The following TDP1 variants were observed in gnomAD, a reference collection of about 807,000 sequenced individuals.
TDP1 encodes the protein tyrosyl-DNA phosphodiesterase 1.
In TDP1, 64 loss-of-function variants were observed where a neutral mutation model predicts 81.5. The ratio of observed to expected loss-of-function variants is 0.79; its 90% CI spans 0.64 to 0.97. The LOEUF (loss-of-function observed/expected upper bound fraction) is 0.97. Ranked by LOEUF, TDP1 falls within the 50% of genes least tolerant of loss-of-function variation. The pLI, the probability that TDP1 is intolerant of heterozygous loss-of-function variation, is 0.00. For missense variants in TDP1, 723 were observed against 743.8 expected, an observed-to-expected ratio of 0.97 and a Z score of 0.33; for synonymous variants, 256 against 264.3, an observed-to-expected ratio of 0.97 and a Z score of 0.30.
chr14:89,966,342 A>G (rs1400540964), intron 4 of TDP1, 152 bp downstream of exon 4: 6 of 696,122 alleles, frequency 8.6e-6, no homozygotes, highest in South Asian at 7.6e-5. Context: ...CAAGTGCCAC[A>G]GTAATGAGAT....
At chr14:89,989,513 A>G in intron 11 of TDP1, 2 of 828,796 alleles carry the variant, frequency 2.4e-6, no homozygotes, top group Non-Finnish European at 2.9e-6. Context: ...ACTCCAATTG[A>G]AGTATAATTT....
intron 16 of TDP1, chr14:90,033,700 G>A: frequency 5.7e-6 from 1 of 176,336 alleles, no homozygotes; most frequent in Non-Finnish European, 1.2e-5. Flanking sequence ...CCATCATAAA[G>A]GTCAAAAGGT....
intron 2 of TDP1, 105 bp from the exon 3 acceptor site, chr14:89,963,003 C>T: frequency 3.8e-6 from 6 of 1,581,254 alleles, no homozygotes; most frequent in Non-Finnish European, 5.2e-6. Flanking sequence ...GGTTCAGCCT[C>T]TGGAAGGTGT....
chr14:90,007,504 G>T (rs150016998), intron 14 of TDP1, among the ~76,000 whole-genome samples: 1 of 152,064 alleles, frequency 6.6e-6, no homozygotes. Context: ...CATGAAAATC[G>T]CTTGAACCCA....
At chr14:89,960,204 G>A (rs1892162437) in intron 2 of TDP1, among the ~76,000 whole-genome samples, 1 of 152,100 alleles carries the variant, frequency 6.6e-6, no homozygotes, top group Non-Finnish European at 1.5e-5. Context: ...AAAGTGTATT[G>A]TAACAGCTTA....
intron 16 of TDP1, 91 bp downstream of exon 16, chr14:90,033,305 G>A (rs1365409647): frequency 1.2e-6 from 1 of 803,648 alleles, no homozygotes; most frequent in Admixed American, 2.0e-5. Flanking sequence ...GTGGGATCCT[G>A]GCTCATGGAA....
chr14:89,986,338 C>T (rs1310824037), intron 10 of TDP1, among the ~76,000 whole-genome samples: 3 of 152,190 alleles, frequency 2.0e-5, no homozygotes, highest in African/African-American at 7.2e-5. Flanking sequence ...CATCGGTTGT[C>T]ATCTATAAAG....
chr14:89,967,224 C>T (rs995025008), intron 4 of TDP1, 143 bp from the exon 5 acceptor site: 38 of 1,365,416 alleles, frequency 2.8e-5, no homozygotes, highest in Non-Finnish European at 6.2e-6. Flanking sequence ...AGTATTGCAG[C>T]ATAACCCTCC....
chr14:89,976,858 T>TAAAATGCCTAGGAGGCTGGGCGCTGTGG, intron 7 of TDP1, among the ~76,000 whole-genome samples: 1 of 152,220 alleles, frequency 6.6e-6, no homozygotes, highest in South Asian at 2.1e-4. Context: ...ATTCAGAGTT[T>TAAAATGCCTAGGAGGCTGGGCGCTGTGG]AAAATGCCTA....
chr14:90,025,081 C>T (rs1886497216), intron 15 of TDP1, among the ~76,000 whole-genome samples: 1 of 152,324 alleles, frequency 6.6e-6, no homozygotes, highest in Admixed American at 6.5e-5. Flanking sequence ...TAGGCCGTGT[C>T]ACTTGCTGTG....
chr14:89,968,053 G>T (rs1351432752), intron 5 of TDP1, among the ~76,000 whole-genome samples: 1 of 152,004 alleles, frequency 6.6e-6, no homozygotes, highest in East Asian at 1.9e-4. Flanking sequence ...GATTGTCAGG[G>T]TCCTCAAAAT....
chr14:90,013,749 T>A (rs967810923), intron 14 of TDP1, among the ~76,000 whole-genome samples: 1 of 152,186 alleles, frequency 6.6e-6, no homozygotes, highest in Non-Finnish European at 1.5e-5. Flanking sequence ...CAGTGGGAGA[T>A]AATTAAATCT....
At chr14:89,982,294 G>A (rs1279583356) in intron 8 of TDP1, among the ~76,000 whole-genome samples, 1 of 152,136 alleles carries the variant, frequency 6.6e-6, no homozygotes, top group Non-Finnish European at 1.5e-5. Context: ...TAGCTGCTTG[G>A]TCTCTAAGTC....
At position 90,033,507 on chromosome 14, in the gene TDP1, G is replaced by A. The variant is rs35924363; in HGVS notation, c.1753+293G>A. 3,085 of 408,458 alleles carry A rather than the reference G, an allele frequency of 7.6e-3. 22 individuals carry two copies. Among genetic ancestry groups the A allele is most frequent in the South Asian group, 0.011 (535 of 48,336 alleles). The allele number at this position is 408,458 out of a possible 1,614,324, so 25.3% of individuals were successfully genotyped here. On this transcript the variant is annotated intron_variant, in intron 16 of 16. Coordinates refer to ENST00000335725, the MANE Select transcript of TDP1 (RefSeq NM_018319.4). ...CATAAGTCAAAAATGCATTTAATGCGTCAAATCTACTGAGCACCATAGCTT... is the reference window on the plus strand; with the variant it reads ...CATAAGTCAAAAATGCATTTAATGCATCAAATCTACTGAGCACCATAGCTT...
chr14:89,958,815 G>T (rs1316248211), intron 2 of TDP1, among the ~76,000 whole-genome samples: 1 of 152,206 alleles, frequency 6.6e-6, no homozygotes, highest in Non-Finnish European at 1.5e-5. Context: ...CTAGGGATTT[G>T]TCTGCCTCCT....
chr14:89,989,286 T>A, intron 11 of TDP1, 196 bp downstream of exon 11: 1 of 984,730 alleles, frequency 1.0e-6, no homozygotes. Flanking sequence ...TGCCTTAATA[T>A]CCAGTGCTAA....
chr14:90,031,225 A>G (rs963731239), intron 15 of TDP1, among the ~76,000 whole-genome samples: 3 of 151,158 alleles, frequency 2.0e-5, no homozygotes, highest in Non-Finnish European at 4.4e-5. Context: ...GTCATTTAGC[A>G]TTAGGTATAT....
rs142749284 is a variant in TDP1 at position 89,974,173 on chromosome 14, T to C, written c.757-1608T>C. Among the ~76,000 whole-genome samples the C allele has an allele frequency of 2.7e-3, 416 of 152,336 alleles. 3 individuals are homozygous for C. The highest frequency in any genetic ancestry group is 9.5e-3 in the African/African-American group (394 of 41,578). On this transcript the variant is annotated intron_variant, in intron 6 of 16. Transcript: ENST00000335725. ...CTAATTTCTTTATCTTTGAAATTGA[T>C]TGCTAATGCTGTTCATCCTAGAGTT...
At chr14:89,991,465 G>A (rs372608663) in intron 12 of TDP1, 7 of 735,090 alleles carry the variant, frequency 9.5e-6, no homozygotes, top group Admixed American at 6.3e-5. Context: ...TTTTATTCTC[G>A]ACACAGAAGA....
Sources: allele counts gnomAD v4.1 joint callset (sites outside exome capture counted in the v4.1 genomes callset), GRCh38; gene constraint gnomAD v4.1.1; transcripts MANE v1.5; gene names NCBI Gene and HGNC (gene_info 2026-07-23, HGNC 2026-07-21).